Variants in MBD5 observed in about 807,000 individuals in gnomAD.
MBD5 encodes methyl-CpG binding domain protein 5.
MBD5 carries 13 observed loss-of-function variants against 117.3 expected under a neutral mutation model. The ratio of observed to expected loss-of-function variants is 0.11; its 90% confidence interval spans 0.07 to 0.18. The LOEUF is 0.18. MBD5 is among the 10% of genes least tolerant of loss of function. The pLI, the probability that MBD5 is intolerant of heterozygous loss-of-function variation, is 1.00. For missense variants in MBD5, 1,879 were observed against 2,093.8 expected (o/e 0.90, Z 2.00); for synonymous variants, 727 against 766.4 (o/e 0.95, Z 0.85).
At chr2:148,042,281 A>G (rs1694381685) in intron 1 of MBD5, among the ~76,000 whole-genome samples, 1 of 152,084 alleles carries the variant, frequency 6.6e-6, no homozygotes, top group South Asian at 2.1e-4. Flanking sequence ...TTTCTTGGCA[A>G]TTTTTGCTAC....
intron 4 of MBD5, among the ~76,000 whole-genome samples, chr2:148,443,047 G>GA: frequency 6.6e-6 from 1 of 151,274 alleles, no homozygotes; most frequent in South Asian, 2.1e-4. Flanking sequence ...AGCTCTATAG[G>GA]AAAAAAATCT....
chr2:148,059,674 C>T (rs1270760749), intron 1 of MBD5, among the ~76,000 whole-genome samples: 8 of 151,712 alleles, frequency 5.3e-5, no homozygotes, highest in African/African-American at 1.2e-4. Context: ...GGAGAAACCC[C>T]GTCTCTACTA....
chr2:148,139,026 A>G (rs1697240803), intron 1 of MBD5, among the ~76,000 whole-genome samples: 1 of 152,156 alleles, frequency 6.6e-6, no homozygotes, highest in South Asian at 2.1e-4. Flanking sequence ...TTACTAATGT[A>G]TTTGAAAATT....
chr2:148,249,855 A>G (rs1464574537), intron 3 of MBD5, among the ~76,000 whole-genome samples: 2 of 152,144 alleles, frequency 1.3e-5, no homozygotes, highest in Non-Finnish European at 2.9e-5. Context: ...CTCAATTGCC[A>G]TTACTGGTGG....
At chr2:148,396,543 C>T (rs533197607) in intron 4 of MBD5, among the ~76,000 whole-genome samples, 1 of 152,164 alleles carries the variant, frequency 6.6e-6, no homozygotes, top group Non-Finnish European at 1.5e-5. Context: ...GTACTCTCCA[C>T]TTTTGTAGAT....
At chr2:148,154,981 A>G (rs1014198925) in intron 1 of MBD5, among the ~76,000 whole-genome samples, 1 of 152,116 alleles carries the variant, frequency 6.6e-6, no homozygotes, top group Non-Finnish European at 1.5e-5. Flanking sequence ...TTGAGTTCTT[A>G]TGAGGTTCTA....
At chr2:148,512,848 T>C (rs772058435) in intron 13 of MBD5, 22 bp from the exon 14 acceptor site, 1 of 1,608,854 alleles carries the variant, frequency 6.2e-7, no homozygotes, top group East Asian at 2.2e-5. Context: ...TTGTTGTTTT[T>C]TTTCTACCTT....
chr2:148,494,072 G>A (rs926250341), intron 11 of MBD5, among the ~76,000 whole-genome samples: 6 of 152,140 alleles, frequency 3.9e-5, no homozygotes, highest in African/African-American at 1.2e-4. Context: ...CATCAAAGAG[G>A]TTCAGTAAAC....
intron 3 of MBD5, chr2:148,264,615 A>G (rs1700812428): frequency 6.6e-6 from 1 of 152,202 alleles, no homozygotes; most frequent in Non-Finnish European, 1.5e-5. Context: ...CAGAAAAGGA[A>G]TATTTGGTAA....
At chr2:148,448,185 T>C (rs1330718781) in intron 4 of MBD5, among the ~76,000 whole-genome samples, 1 of 152,160 alleles carries the variant, frequency 6.6e-6, no homozygotes, top group Non-Finnish European at 1.5e-5. Flanking sequence ...GTGAGCTACA[T>C]AAACACAGTA....
At position 148,469,999 on chromosome 2, in the gene MBD5, G is replaced by T; in HGVS notation, c.2056G>T (p.Asp686Tyr). The T allele has an allele frequency of 6.2e-7, 1 of 1,613,800 alleles. No individual in the cohort carries two copies. The highest frequency in any genetic ancestry group is 1.1e-5 in the South Asian group (1 of 91,068). The change falls in exon 8 of 14, where the codon GAC becomes TAC. Residue 686 changes from aspartate (D) to tyrosine (Y), a missense_variant. Physicochemically the swap from Asp to Tyr is radical, Grantham distance 160. Transcript: ENST00000642680. ...TTCTGCAGTTCCTAAACCTGGACCTGACTTGCTAAGGAAGCAGGGTCAGGG... is the reference window on the plus strand; with the variant it reads ...TTCTGCAGTTCCTAAACCTGGACCTTACTTGCTAAGGAAGCAGGGTCAGGG... ...DSSAVPKPGP[D>Y]LLRKQGQGSF...
At chr2:148,112,918 A>G (rs1013401829) in intron 1 of MBD5, among the ~76,000 whole-genome samples, 11 of 152,144 alleles carry the variant, frequency 7.2e-5, no homozygotes, top group Non-Finnish European at 1.6e-4. Context: ...AAGCTGAAGA[A>G]GGAGGATTGC....
chr2:148,217,137 CA>C (rs1413683378), intron 2 of MBD5, among the ~76,000 whole-genome samples: 2 of 152,132 alleles, frequency 1.3e-5, no homozygotes, highest in Non-Finnish European at 2.9e-5. Flanking sequence ...CTAGGGTGGA[CA>C]CAGTGTTTTT....
intron 4 of MBD5, among the ~76,000 whole-genome samples, chr2:148,394,349 CTATCACTT>C (rs981205854): frequency 3.3e-5 from 5 of 152,124 alleles, no homozygotes; most frequent in African/African-American, 1.2e-4. Flanking sequence ...TGGTCTTTGG[CTATCACTT>C]TAATTTCTTT....
chr2:148,385,846 A>C lies in MBD5; in HGVS notation c.-557+43510A>C, dbSNP rs536572040. Among the ~76,000 whole-genome samples, 128 of 151,820 alleles carry C rather than the reference A, an allele frequency of 8.4e-4. 2 individuals carry two copies. The highest frequency in any genetic ancestry group is 1.6e-3 in the Non-Finnish European group (110 of 67,962). ...GAAGCTGGAAACCATCATTCTCAGCAATCTATCGCAAGGACAAAAAACCAA... is the reference window on the plus strand; with the variant it reads ...GAAGCTGGAAACCATCATTCTCAGCCATCTATCGCAAGGACAAAAAACCAA... On this transcript the variant is annotated intron_variant, in intron 4 of 13. Transcript: ENST00000642680.
chr2:148,021,528 C>T lies in MBD5; in HGVS notation c.-1081C>T, dbSNP rs1280696264. On this transcript the variant is annotated 5_prime_UTR_variant, in exon 1 of 14. Coordinates refer to ENST00000642680, the MANE Select transcript of MBD5 (RefSeq NM_001378120.1). ...TGCTGCTGCTACTGCTGCTGCTTGG[C>T]CCTGGCTGGAGACATCTCACTACAC... The T allele has an allele frequency of 5.3e-6, 3 of 566,906 alleles. No homozygotes were observed. The highest frequency in any genetic ancestry group is 4.4e-5 in the Admixed American group (2 of 45,642). The allele number at this position is 566,906 out of a possible 1,614,324, so 35.1% of individuals were successfully genotyped here. A position where few individuals can be genotyped will look rare whatever the true frequency, so the allele number is the denominator to read the frequency against.
chr2:148,480,810 ATATT>A (rs1376804091), intron 8 of MBD5, among the ~76,000 whole-genome samples: 3 of 152,074 alleles, frequency 2.0e-5, no homozygotes, highest in South Asian at 2.1e-4. Flanking sequence ...TATTTCATAA[ATATT>A]TATATATTTT....
Position 148,469,749 on chromosome 2 carries a change from T to C in MBD5, c.1806T>C (p.Ser602=). 1 of 1,613,934 alleles carries C rather than the reference T, an allele frequency of 6.2e-7. No individual in the cohort carries two copies. The highest frequency in any genetic ancestry group is 8.5e-7 in the Non-Finnish European group (1 of 1,179,884). ...TTGCTGGTAACAACAGTAGCAGCAG[T>C]AGCAATTCTGGAGCTGTTGCCGGCA... ...NKLAGNNSSS[S]SNSGAVAGSG... Residue 602 remains serine, a synonymous_variant, in exon 8 of 14, where the codon AGT becomes AGC. Coordinates refer to ENST00000642680, the MANE Select transcript of MBD5 (RefSeq NM_001378120.1).
At chr2:148,277,928 C>G (rs139594331) in intron 3 of MBD5, among the ~76,000 whole-genome samples, 3 of 152,028 alleles carry the variant, frequency 2.0e-5, no homozygotes, top group African/African-American at 7.2e-5. Flanking sequence ...GTCAGATCAC[C>G]TTCTTAGTGT....
Sources: allele counts gnomAD v4.1 joint callset (sites outside exome capture counted in the v4.1 genomes callset), GRCh38; gene constraint gnomAD v4.1.1; transcripts MANE v1.5; gene names NCBI Gene and HGNC (gene_info 2026-07-23, HGNC 2026-07-21).